SORCS3: variants seen among roughly 807,000 people sequenced by gnomAD.
SORCS3 encodes VPS10 domain-containing receptor SorCS3.
Under a neutral mutation model 146.3 loss-of-function variants are expected in SORCS3, and 57 were observed. That is an observed-to-expected ratio of 0.39 (90% CI 0.31 to 0.49). The LOEUF (loss-of-function observed/expected upper bound fraction) is 0.49, where lower values mean the gene tolerates loss of function less well. SORCS3 is among the 20% of genes least tolerant of loss of function. SORCS3 has a pLI of 0.92. For missense variants in SORCS3, 1,341 were observed against 1,575.5 expected (o/e 0.85, Z 2.52); for synonymous variants, 653 against 618.5 (o/e 1.06, Z -0.83).
rs1166739496 is a variant in SORCS3, at chr10:104,783,731, A to AAGAG, written c.628-59049_628-59046dup. 3.9e-5 allele frequency among the ~76,000 whole-genome samples: 6 copies of AAGAG among 152,068 alleles called. No individual in the cohort carries two copies. In the East Asian group the frequency reaches 1.2e-3, roughly 29 times the overall value. The stretch of plus-strand genomic sequence containing the variant: ...AACAGTGCGAGACTCCGTCTCAAAA[A>AAGAG]AGAGAGAGAGAGAGAAAAAAAGGAT... On this transcript the variant is annotated intron_variant, in intron 1 of 26. Coordinates refer to ENST00000369701, the MANE Select transcript of SORCS3 (RefSeq NM_014978.3).
chr10:105,101,448 T>C (rs1233091861), intron 6 of SORCS3, among the ~76,000 whole-genome samples: 1 of 152,176 alleles, frequency 6.6e-6, no homozygotes, highest in Non-Finnish European at 1.5e-5. Context: ...AATAAAAGCA[T>C]TGAGACTTCC....
At chr10:105,059,883 T>G (rs1412815436) in intron 5 of SORCS3, among the ~76,000 whole-genome samples, 2 of 152,246 alleles carry the variant, frequency 1.3e-5, no homozygotes, top group Non-Finnish European at 2.9e-5. Flanking sequence ...GAGCCTCGCA[T>G]TGAGCCCAGC....
chr10:105,132,666 A>G (rs556458389), intron 7 of SORCS3, among the ~76,000 whole-genome samples: 1 of 152,306 alleles, frequency 6.6e-6, no homozygotes, highest in African/African-American at 2.4e-5. Flanking sequence ...GTCAGAAGAG[A>G]TAGATGTGTT....
chr10:105,117,836 A>G (rs188020966), intron 7 of SORCS3, among the ~76,000 whole-genome samples: 17 of 152,340 alleles, frequency 1.1e-4, no homozygotes, highest in African/African-American at 3.8e-4. Flanking sequence ...ATGCCTCTCA[A>G]TAATTAACAT....
At position 104,771,767 on chromosome 10, in the gene SORCS3, A is replaced by G. The variant is rs1327166215; in HGVS notation, c.628-71025A>G. Among the ~76,000 whole-genome samples the G allele has an allele frequency of 2.0e-5, 3 of 151,722 alleles. No individual in the cohort carries two copies. In the East Asian group the frequency reaches 5.8e-4, roughly 29 times the overall value. On this transcript the variant is annotated intron_variant, in intron 1 of 26. Coordinates refer to ENST00000369701, the MANE Select transcript of SORCS3 (RefSeq NM_014978.3). ...TTTTAGACAGTTTCTCATGCATGCC[A>G]CTGGTGCTGGTTGACCCCTTCAAGC...
At chr10:104,896,469 G>A (rs1243167450) in intron 2 of SORCS3, among the ~76,000 whole-genome samples, 1 of 152,238 alleles carries the variant, frequency 6.6e-6, no homozygotes, top group African/African-American at 2.4e-5. Flanking sequence ...ACTCAAAGAA[G>A]GCATAATTTA....
At chr10:105,215,412 A>AT (rs886136888) in intron 18 of SORCS3, among the ~76,000 whole-genome samples, 2 of 151,942 alleles carry the variant, frequency 1.3e-5, no homozygotes, top group Non-Finnish European at 2.9e-5. Flanking sequence ...GCCAGGAGTC[A>AT]TTTTTTTTCA....
intron 1 of SORCS3, among the ~76,000 whole-genome samples, chr10:104,699,362 A>T (rs527676703): frequency 6.6e-6 from 1 of 152,106 alleles, no homozygotes; most frequent in East Asian, 1.9e-4. Flanking sequence ...TATAAAACTG[A>T]CCCTAAATAT....
intron 1 of SORCS3, among the ~76,000 whole-genome samples, chr10:104,774,925 T>G (rs1177875175): frequency 6.6e-6 from 1 of 152,206 alleles, no homozygotes; most frequent in Non-Finnish European, 1.5e-5. Flanking sequence ...TAGGCTTGTT[T>G]TATGTTCTAA....
At chr10:104,714,070 T>C (rs1288328494) in intron 1 of SORCS3, among the ~76,000 whole-genome samples, 2 of 152,202 alleles carry the variant, frequency 1.3e-5, no homozygotes, top group Non-Finnish European at 2.9e-5. Flanking sequence ...TATTATCCTT[T>C]TAATGTCAGC....
intron 3 of SORCS3, among the ~76,000 whole-genome samples, chr10:104,974,995 C>G (rs1301044658): frequency 2.0e-5 from 3 of 152,074 alleles, no homozygotes; most frequent in African/African-American, 7.2e-5. Flanking sequence ...GTTGAAAATT[C>G]TTTTCTTTAA....
intron 4 of SORCS3, among the ~76,000 whole-genome samples, chr10:105,038,312 A>C (rs2055318883): frequency 6.6e-6 from 1 of 152,204 alleles, no homozygotes. Flanking sequence ...TGTTGAGTTG[A>C]AGCCATGCAG....
At chr10:104,867,208 G>A (rs2018469172) in intron 2 of SORCS3, among the ~76,000 whole-genome samples, 1 of 151,824 alleles carries the variant, frequency 6.6e-6, no homozygotes, top group Non-Finnish European at 1.5e-5. Context: ...GGAGAGGAGA[G>A]GAGAGGAGAG....
At chr10:104,916,566 C>A (rs1330991063) in intron 3 of SORCS3, among the ~76,000 whole-genome samples, 1 of 152,144 alleles carries the variant, frequency 6.6e-6, no homozygotes, top group East Asian at 1.9e-4. Flanking sequence ...CCATGGAAAT[C>A]TACTGAGAGG....
intron 1 of SORCS3, among the ~76,000 whole-genome samples, chr10:104,758,911 G>A (rs1158192630): frequency 6.6e-6 from 1 of 152,124 alleles, no homozygotes; most frequent in Non-Finnish European, 1.5e-5. Context: ...TAGGGAAACC[G>A]GTTTCAAACA....
chr10:105,044,821 C>T (rs1004809615), intron 5 of SORCS3, among the ~76,000 whole-genome samples: 1 of 151,956 alleles, frequency 6.6e-6, no homozygotes, highest in African/African-American at 2.4e-5. Flanking sequence ...TTGCCCCTTA[C>T]AGGCCTACTA....
intron 4 of SORCS3, among the ~76,000 whole-genome samples, chr10:105,013,435 A>C (rs572242990): frequency 6.6e-6 from 1 of 152,098 alleles, no homozygotes; most frequent in African/African-American, 2.4e-5. Flanking sequence ...TCTATACATA[A>C]TATGATTCTC....
At chr10:105,255,132 T>A (rs1352306215) in intron 23 of SORCS3, among the ~76,000 whole-genome samples, 3 of 130,752 alleles carry the variant, frequency 2.3e-5, no homozygotes, top group Non-Finnish European at 4.6e-5. Context: ...GAGCCTGCGG[T>A]GAGCCGAGAT....
chr10:104,678,763 T>C (rs1231479014), intron 1 of SORCS3, among the ~76,000 whole-genome samples: 1 of 152,212 alleles, frequency 6.6e-6, no homozygotes, highest in Non-Finnish European at 1.5e-5. Flanking sequence ...TCCCTCAAAG[T>C]TGATACTATG....
Sources: gnomAD v4.1 joint callset for allele counts (sites outside exome capture counted in the v4.1 genomes callset) on GRCh38, gnomAD v4.1.1 for gene constraint, MANE v1.5 for transcripts, NCBI Gene and HGNC (gene_info 2026-07-23, HGNC 2026-07-21) for gene names.